Variants in OPN3 observed in about 807,000 individuals in gnomAD.
OPN3 encodes opsin-3.
Under a neutral mutation model 33.8 loss-of-function variants are expected in OPN3, and 29 were observed. That is an observed-to-expected ratio of 0.86 (90% CI 0.64 to 1.17). The LOEUF (loss-of-function observed/expected upper bound fraction) is 1.17. Among genes scored for constraint, OPN3 ranks in the 50% most tolerant of loss-of-function variants. OPN3 has a pLI of 0.00. For synonymous variants in OPN3, 216 were observed against 216.1 expected (o/e 1.00, Z 0.00); for missense variants, 437 against 514.1 (o/e 0.85, Z 1.45).
At chr1:241,606,540 T>A (rs541064587) in intron 1 of OPN3, among the ~76,000 whole-genome samples, 2 of 129,866 alleles carry the variant, frequency 1.5e-5, no homozygotes, top group Non-Finnish European at 3.3e-5. Flanking sequence ...AGTGAGACTC[T>A]GATTCAAAAT....
chr1:241,611,000 T>G (rs1663976475), intron 1 of OPN3, among the ~76,000 whole-genome samples: 1 of 152,190 alleles, frequency 6.6e-6, no homozygotes, highest in Non-Finnish European at 1.5e-5. Flanking sequence ...GTATTATTAT[T>G]ATTACTGAAT....
chr1:241,635,270 G>C (rs1198784222), intron 1 of OPN3: 1 of 1,613,866 alleles, frequency 6.2e-7, no homozygotes, highest in East Asian at 2.2e-5. Flanking sequence ...TACTTCTAGT[G>C]AAATCTCTGT....
intron 1 of OPN3, among the ~76,000 whole-genome samples, chr1:241,623,538 C>T (rs745646892): frequency 6.6e-6 from 1 of 152,172 alleles, no homozygotes; most frequent in African/African-American, 2.4e-5. Context: ...CAAAGCCCTC[C>T]AAGACCTTCC....
intron 1 of OPN3, among the ~76,000 whole-genome samples, chr1:241,617,697 T>A (rs1199596272): frequency 6.6e-6 from 1 of 152,186 alleles, no homozygotes; most frequent in Non-Finnish European, 1.5e-5. Flanking sequence ...CCACTGTAAT[T>A]GTGTGTGAGT....
At chr1:241,632,648 A>G in intron 1 of OPN3, 1 of 152,110 alleles carries the variant, frequency 6.6e-6, no homozygotes, top group East Asian at 1.9e-4. Context: ...GAGGCAAGAG[A>G]GATTACAGAA....
intron 1 of OPN3, among the ~76,000 whole-genome samples, chr1:241,619,412 G>A (rs1299430054): frequency 6.6e-6 from 1 of 152,150 alleles, no homozygotes; most frequent in African/African-American, 2.4e-5. Context: ...AGCTTATACA[G>A]GCAGTTCTGA....
intron 1 of OPN3, among the ~76,000 whole-genome samples, chr1:241,620,789 C>T (rs1287894530): frequency 6.6e-6 from 1 of 152,110 alleles, no homozygotes; most frequent in East Asian, 1.9e-4. Flanking sequence ...ACACTTACAT[C>T]TCAGTATAAA....
intron 1 of OPN3, chr1:241,615,850 A>G (rs2148009998): frequency 4.4e-6 from 2 of 456,620 alleles, no homozygotes; most frequent in Non-Finnish European, 8.8e-6. Flanking sequence ...CCACCATTGC[A>G]TACCTGCATG....
chr1:241,636,928 T>C (rs1300997880), intron 1 of OPN3, among the ~76,000 whole-genome samples: 1 of 149,186 alleles, frequency 6.7e-6, no homozygotes, highest in African/African-American at 2.5e-5. Context: ...ACTAACACTG[T>C]TTGTTCTTAT....
intron 1 of OPN3, among the ~76,000 whole-genome samples, chr1:241,609,971 A>G (rs1054530350): frequency 1.3e-5 from 2 of 152,226 alleles, no homozygotes; most frequent in African/African-American, 4.8e-5. Flanking sequence ...TTGAAAAACT[A>G]TGTATACAAC....
chr1:241,605,655 T>G (rs572373177), intron 1 of OPN3, among the ~76,000 whole-genome samples: 45 of 152,320 alleles, frequency 3.0e-4, no homozygotes, highest in Admixed American at 1.3e-3. Context: ...ATGCAATGTG[T>G]GAATGCTCCC....
intron 1 of OPN3, among the ~76,000 whole-genome samples, chr1:241,624,551 T>C (rs1222105823): frequency 1.3e-5 from 2 of 152,242 alleles, no homozygotes; most frequent in East Asian, 3.8e-4. Flanking sequence ...TGGTGGTTAA[T>C]TGTGCATCAA....
At chr1:241,609,875 C>A (rs548683382) in intron 1 of OPN3, among the ~76,000 whole-genome samples, 1 of 152,142 alleles carries the variant, frequency 6.6e-6, no homozygotes, top group Non-Finnish European at 1.5e-5. Context: ...CAGGGGATGG[C>A]GCAAAGCTGA....
chr1:241,600,360 A>C (rs1227111732), intron 2 of OPN3: 1 of 152,152 alleles, frequency 6.6e-6, no homozygotes, highest in Admixed American at 6.5e-5. Flanking sequence ...CCAAATAAAA[A>C]ACTCGATTTC....
At chr1:241,603,706 G>T (rs972436865) in intron 2 of OPN3, among the ~76,000 whole-genome samples, 3 of 152,220 alleles carry the variant, frequency 2.0e-5, no homozygotes, top group Admixed American at 6.5e-5. Flanking sequence ...AGAGTTGGAA[G>T]AATCAGTGAA....
At chr1:241,614,579 C>A (rs1288026215) in intron 1 of OPN3, among the ~76,000 whole-genome samples, 1 of 152,230 alleles carries the variant, frequency 6.6e-6, no homozygotes, top group African/African-American at 2.4e-5. Flanking sequence ...TGTGCAGTAG[C>A]TTGGAAATCG....
chr1:241,611,360 A>G (rs1663988067), intron 1 of OPN3, among the ~76,000 whole-genome samples: 1 of 152,168 alleles, frequency 6.6e-6, no homozygotes, highest in African/African-American at 2.4e-5. Context: ...CAAGGAGCAC[A>G]TAATCCAGAG....
At position 241,634,604 on chromosome 1, in the gene OPN3, C is replaced by A. The variant is rs756393189; in HGVS notation, c.373+5278G>T. 41 of 1,613,704 alleles carry A rather than the reference C, an allele frequency of 2.5e-5. No homozygotes were observed. In the South Asian group the frequency reaches 4.3e-4, roughly 17 times the overall value. ...AAAAACTGCACACATCCTACAGAAACCCTGGGGAATTTCTCCTTGGCCATA... is the reference window on the plus strand; with the variant it reads ...AAAAACTGCACACATCCTACAGAAAACCTGGGGAATTTCTCCTTGGCCATA... On this transcript the variant is annotated intron_variant, in intron 1 of 3. Transcript: ENST00000366554.
rs1309533853 is a variant in OPN3, at chr1:241,597,867, C to T, written c.824G>A (p.Cys275Tyr). ...ACCATGACCATTAACCACCAAGAAG[C>T]AGATCACGATATAAGGCATCCAACA... The part of the protein sequence containing the change: ...LVCWMPYIVI[C>Y]FLVVNGHGHL... Residue 275 changes from cysteine to tyrosine, a missense_variant, in exon 3 of 4, where the codon TGC becomes TAC. Coordinates refer to ENST00000366554, the MANE Select transcript of OPN3 (RefSeq NM_014322.3). 2 of 1,613,808 alleles carry T rather than the reference C, an allele frequency of 1.2e-6. No individual in the cohort carries two copies. Among genetic ancestry groups the T allele is most frequent in the Admixed American group, 3.3e-5 (2 of 59,978 alleles).
Sources: allele counts gnomAD v4.1 joint callset (sites outside exome capture counted in the v4.1 genomes callset), GRCh38; gene constraint gnomAD v4.1.1; transcripts MANE v1.5; gene names NCBI Gene and HGNC (gene_info 2026-07-23, HGNC 2026-07-21).